SCLY: variants seen among roughly 807,000 people sequenced by gnomAD.
SCLY encodes putative selenocysteine lyase.
In SCLY, 38 loss-of-function variants were observed where a neutral mutation model predicts 50.1. The ratio of observed to expected loss-of-function variants is 0.76; its 90% CI spans 0.59 to 0.99. The LOEUF is 0.99. SCLY is among the 50% of genes least tolerant of loss of function. The pLI is 0.00. For synonymous variants in SCLY, 243 were observed against 249.4 expected (o/e 0.97, Z 0.24); for missense variants, 600 against 620.0 (o/e 0.97, Z 0.34).
At chr2:238,095,525 A>T (rs1048907708) in intron 10 of SCLY, 2 of 152,178 alleles carry the variant, frequency 1.3e-5, no homozygotes, top group Non-Finnish European at 2.9e-5. Flanking sequence ...TGGCCCATGA[A>T]GAAGAACCCG....
chr2:238,098,419 C>A lies in SCLY; in HGVS notation c.*64C>A. On this transcript the variant is annotated 3_prime_UTR_variant, in exon 12 of 12. Transcript: ENST00000254663. ...CGTGGCAGGGCACAGGGTTGTCCCT[C>A]CAGTTCCCTCCTGAGGGCTGTGCCA... The A allele has an allele frequency of 2.0e-6, 3 of 1,482,152 alleles. No individual in the cohort carries two copies. The highest frequency in any genetic ancestry group is 4.8e-5 in the East Asian group (2 of 41,344). 91.8% of individuals were successfully genotyped at this position (1,482,152 alleles called of 1,614,324 possible).
At position 238,098,672 on chromosome 2, in the gene SCLY, C is replaced by CATGGGACCGCCCACATGGGA. The variant is rs1387039990; in HGVS notation, c.*317_*318insATGGGACCGCCCACATGGGA. 24 of 423,596 alleles carry CATGGGACCGCCCACATGGGA rather than the reference C, an allele frequency of 5.7e-5. No homozygotes were observed. Among genetic ancestry groups the CATGGGACCGCCCACATGGGA allele is most frequent in the East Asian group, 1.0e-4 (3 of 28,776 alleles). 26.2% of individuals were successfully genotyped at this position (423,596 alleles called of 1,614,324 possible). A position where few individuals can be genotyped will look rare whatever the true frequency, so the allele number is the denominator to read the frequency against. On this transcript the variant is annotated 3_prime_UTR_variant, in exon 12 of 12. Transcript: ENST00000254663. ...GGGACCGCCCACATAGAACCGTCCT[C>CATGGGACCGCCCACATGGGA]CAGTGGTGAAGCGGAAACACTTAGC...
At chr2:238,063,793 T>TG in intron 1 of SCLY, among the ~76,000 whole-genome samples, 1 of 152,344 alleles carries the variant, frequency 6.6e-6, no homozygotes, top group Non-Finnish European at 1.5e-5. Flanking sequence ...CCTTGGGGAA[T>TG]GTGCAGCTGT....
chr2:238,077,005 C>G (rs2106442903), intron 4 of SCLY, among the ~76,000 whole-genome samples: 1 of 152,204 alleles, frequency 6.6e-6, no homozygotes, highest in South Asian at 2.1e-4. Flanking sequence ...TTCAAGTCTT[C>G]TGTTCCCTTG....
chr2:238,064,742 TC>T (rs2065052806), intron 2 of SCLY: 1 of 238,932 alleles, frequency 4.2e-6, no homozygotes, highest in Non-Finnish European at 8.2e-6. Flanking sequence ...TACTGAGAGT[TC>T]CTTGAAGTAG....
Position 238,083,023 on chromosome 2 carries a change from G to A in SCLY, c.778-225G>A, listed in dbSNP as rs965306233. On this transcript the variant is annotated intron_variant, in intron 6 of 11. Transcript: ENST00000254663. This position sits in a 1 kb window ranked among gnomAD's most constrained non-coding sequence, Gnocchi z 4.3. ...AGCTGCCTGCCACAGAGCTGAGCAC[G>A]AGAGTCTAGCACCTGCGCTGCCTCC... The A allele has an allele frequency of 1.5e-5, 9 of 615,200 alleles. No homozygotes were observed. Among genetic ancestry groups the A allele is most frequent in the East Asian group, 6.7e-5 (2 of 30,036 alleles). 38.1% of individuals were successfully genotyped at this position (615,200 alleles called of 1,614,324 possible).
At chr2:238,085,681 C>G (rs1246925085) in intron 7 of SCLY, among the ~76,000 whole-genome samples, 1 of 151,880 alleles carries the variant, frequency 6.6e-6, no homozygotes, top group Non-Finnish European at 1.5e-5. Context: ...GAGCCGAGAT[C>G]GTGCCACTCC....
intron 4 of SCLY, among the ~76,000 whole-genome samples, chr2:238,073,307 G>C (rs532878243): frequency 2.8e-4 from 43 of 152,238 alleles, no homozygotes; most frequent in African/African-American, 1.0e-3. Context: ...CTCCAAATTT[G>C]TTATTTTTTA....
chr2:238,089,728 AGGGAAG>A (rs776271192), intron 7 of SCLY, among the ~76,000 whole-genome samples: 95 of 150,502 alleles, frequency 6.3e-4, no homozygotes, highest in Middle Eastern at 3.4e-3. Flanking sequence ...AGTGTGGCCT[AGGGAAG>A]CCAAAGCATT....
Position 238,098,605 on chromosome 2 carries a change from A to AGGAACGCCCACATG in SCLY, c.*253_*254insACGCCCACATGGGA, listed in dbSNP as rs1691317168. On this transcript the variant is annotated 3_prime_UTR_variant, in exon 12 of 12. Coordinates refer to ENST00000254663, the MANE Select transcript of SCLY (RefSeq NM_016510.7). ...ACCGCCCACATAGGACCGCCCACAT[A>AGGAACGCCCACATG]GGACCGCCCACATGGGACCGCCCAC... 1.3e-3 allele frequency: 416 copies of AGGAACGCCCACATG among 311,408 alleles called. 12 individuals are homozygous for AGGAACGCCCACATG. Among genetic ancestry groups the AGGAACGCCCACATG allele is most frequent in the Admixed American group, 2.1e-3 (31 of 14,806 alleles). The allele number at this position is 311,408 out of a possible 1,614,324, so 19.3% of individuals were successfully genotyped here. A position where few individuals can be genotyped will look rare whatever the true frequency, so the allele number is the denominator to read the frequency against.
intron 1 of SCLY, among the ~76,000 whole-genome samples, chr2:238,062,898 A>C (rs1436933715): frequency 6.6e-6 from 1 of 152,256 alleles, no homozygotes; most frequent in East Asian, 1.9e-4. Flanking sequence ...ATTTTTCTAA[A>C]GGCTTTCGAA....
intron 8 of SCLY, chr2:238,091,581 A>G (rs999580784): frequency 2.9e-6 from 1 of 347,396 alleles, no homozygotes; most frequent in Non-Finnish European, 5.5e-6. Context: ...CCCCCGCACC[A>G]TCGACGTTCT....
intron 3 of SCLY, among the ~76,000 whole-genome samples, chr2:238,068,750 T>C (rs1276563001): frequency 6.6e-6 from 1 of 152,234 alleles, no homozygotes; most frequent in Admixed American, 6.5e-5. Context: ...CCCTAATTGA[T>C]AGATATTTAA....
At chr2:238,076,202 G>A (rs191726009) in intron 4 of SCLY, among the ~76,000 whole-genome samples, 2 of 151,032 alleles carry the variant, frequency 1.3e-5, no homozygotes, top group Admixed American at 1.3e-4. Flanking sequence ...AGCAGTTCTT[G>A]TGCCTCAACC....
rs923448940 is a variant in SCLY at position 238,066,458 on chromosome 2, G to A, written c.203-1607G>A. Among the ~76,000 whole-genome samples the A allele has an allele frequency of 2.6e-5, 4 of 152,306 alleles. No homozygotes were observed. The highest frequency in any genetic ancestry group is 6.5e-5 in the Admixed American group (1 of 15,292). The stretch of plus-strand genomic sequence containing the variant: ...CCAGCTGTGTACTCAGCACCCTGTT[G>A]GGGGAGGGATGAAGCACGGTGCCCA... On this transcript the variant is annotated intron_variant, in intron 2 of 11. Transcript: ENST00000254663. This position sits in a 1 kb window ranked among gnomAD's most constrained non-coding sequence, Gnocchi z 4.1.
chr2:238,098,205 G>T lies in SCLY; in HGVS notation c.1188G>T (p.Pro396=). Residue 396 remains proline, a synonymous_variant, in exon 12 of 12, where the codon CCG becomes CCT. Coordinates refer to ENST00000254663, the MANE Select transcript of SCLY (RefSeq NM_016510.7). ...AGCTCGGTCTCGCCCTCCCCAGGCC[G>T]TCCCCAGTGCTGCTGAGCTACGGTG... ...AACHSDHGDQ[P]SPVLLSYGVP... is the part of the protein sequence containing the mutation. 6.4e-7 allele frequency: 1 copy of T among 1,566,850 alleles called. No individual in the cohort carries two copies. The highest frequency in any genetic ancestry group is 8.7e-7 in the Non-Finnish European group (1 of 1,152,326).
chr2:238,091,173 CCTGAGACATTTGT>C, intron 7 of SCLY, 32 bp from the exon 8 acceptor site: 1 of 1,525,826 alleles, frequency 6.6e-7, no homozygotes, highest in Non-Finnish European at 9.1e-7. Context: ...AGGATTCCTT[CCTGAGACATTTGT>C]TTATTCTTGC....
chr2:238,068,050 T>C lies in SCLY; in HGVS notation c.203-15T>C, dbSNP rs1309535906. ...GTGAAGCAATGTTAATGAATTTCCT[T>C]TTTGGTCCCTCAAGGAAGAAAGGCC... On this transcript the variant is annotated splice_polypyrimidine_tract_variant and intron_variant, in intron 2 of 11. Transcript: ENST00000254663. 4.4e-6 allele frequency: 7 copies of C among 1,595,312 alleles called. No individual in the cohort carries two copies. The highest frequency in any genetic ancestry group is 6.0e-6 in the Non-Finnish European group (7 of 1,167,818).
chr2:238,098,359 T>C lies in SCLY; in HGVS notation c.*4T>C, dbSNP rs538533326. ...GCAGCTGGAGGACCAGGCCTAGCAC[T>C]GGGGCCGCCTTCCCCACCCCGCTTC... is the stretch of plus-strand genomic sequence containing the variant. On this transcript the variant is annotated 3_prime_UTR_variant, in exon 12 of 12. Coordinates refer to ENST00000254663, the MANE Select transcript of SCLY (RefSeq NM_016510.7). 6 of 1,584,852 alleles carry C rather than the reference T, an allele frequency of 3.8e-6. No homozygotes were observed. Among genetic ancestry groups the C allele is most frequent in the Non-Finnish European group, 4.3e-6 (5 of 1,168,068 alleles).
Sources: gnomAD v4.1 joint callset for allele counts (sites outside exome capture counted in the v4.1 genomes callset) on GRCh38, gnomAD v4.1.1 for gene constraint, Gnocchi (gnomAD v3.1) non-coding constraint, MANE v1.5 for transcripts, NCBI Gene and HGNC (gene_info 2026-07-23, HGNC 2026-07-21) for gene names.